RBM47: variants seen among roughly 807,000 people sequenced by gnomAD.
The protein encoded by RBM47 is RNA-binding protein 47.
Under a neutral mutation model 47.1 loss-of-function variants are expected in RBM47, and 21 were observed. That is an observed-to-expected ratio of 0.45 (90% confidence interval 0.32 to 0.64). RBM47 has a LOEUF of 0.64. Among genes scored for constraint, RBM47 ranks in the 30% least tolerant of loss-of-function variants. The pLI is 0.05. For synonymous variants in RBM47, 375 were observed against 361.7 expected (o/e 1.04, Z -0.42); for missense variants, 708 against 870.9 (o/e 0.81, Z 2.35).
intron 1 of RBM47, among the ~76,000 whole-genome samples, chr4:40,611,898 T>C (rs1392164525): frequency 1.3e-5 from 2 of 152,220 alleles, no homozygotes; most frequent in Non-Finnish European, 2.9e-5. Context: ...ATATATATAA[T>C]GTATCTCCAA....
At chr4:40,520,629 T>A (rs375284280) in intron 2 of RBM47, among the ~76,000 whole-genome samples, 2 of 152,204 alleles carry the variant, frequency 1.3e-5, no homozygotes, top group African/African-American at 4.8e-5. Flanking sequence ...AGCTTCTAAA[T>A]CTTCCGGAAT....
At chr4:40,447,891 G>A (rs1371402770) in intron 3 of RBM47, among the ~76,000 whole-genome samples, 1 of 152,150 alleles carries the variant, frequency 6.6e-6, no homozygotes, top group Non-Finnish European at 1.5e-5. Context: ...GGCGCCTGTA[G>A]TCCCAGTTAC....
intron 3 of RBM47, among the ~76,000 whole-genome samples, chr4:40,452,886 C>G (rs886511061): frequency 1.3e-5 from 2 of 148,178 alleles, no homozygotes; most frequent in Non-Finnish European, 3.0e-5. Flanking sequence ...CTCTGTCACC[C>G]AGACTGGAGT....
intron 1 of RBM47, among the ~76,000 whole-genome samples, chr4:40,604,564 C>G (rs188593910): frequency 6.6e-6 from 1 of 152,206 alleles, no homozygotes; most frequent in East Asian, 1.9e-4. Flanking sequence ...GAGTTAAAGG[C>G]TGCAGTGAGT....
intron 2 of RBM47, among the ~76,000 whole-genome samples, chr4:40,532,791 A>G (rs953683026): frequency 2.0e-5 from 3 of 152,002 alleles, no homozygotes; most frequent in African/African-American, 7.3e-5. Context: ...ATGTCTGTGT[A>G]TATTTAAAGT....
At chr4:40,584,735 A>C (rs1025511403) in intron 1 of RBM47, among the ~76,000 whole-genome samples, 4 of 152,190 alleles carry the variant, frequency 2.6e-5, no homozygotes, top group Non-Finnish European at 5.9e-5. Flanking sequence ...AACAAAAAAA[A>C]ATGTACATGG....
At chr4:40,531,474 G>C (rs116780799) in intron 2 of RBM47, among the ~76,000 whole-genome samples, 1 of 151,888 alleles carries the variant, frequency 6.6e-6, no homozygotes, top group South Asian at 2.1e-4. Flanking sequence ...GGGGATAGGC[G>C]GAAGGGTGGG....
At chr4:40,507,238 T>C (rs1249344045) in intron 2 of RBM47, among the ~76,000 whole-genome samples, 1 of 152,070 alleles carries the variant, frequency 6.6e-6, no homozygotes, top group Non-Finnish European at 1.5e-5. Flanking sequence ...ATTACAGGCA[T>C]AAGCCACTAC....
intron 2 of RBM47, among the ~76,000 whole-genome samples, chr4:40,527,179 G>C (rs572563393): frequency 3.9e-5 from 6 of 152,094 alleles, no homozygotes; most frequent in African/African-American, 1.4e-4. Flanking sequence ...CTGCAGTGTC[G>C]TGGTGTGATC....
intron 1 of RBM47, among the ~76,000 whole-genome samples, chr4:40,604,362 C>T (rs764318098): frequency 1.2e-4 from 19 of 152,192 alleles, no homozygotes; most frequent in Admixed American, 1.1e-3. Flanking sequence ...TGGAGGCTCA[C>T]ACCTGTAATC....
At position 40,520,987 on chromosome 4, in the gene RBM47, TAAA is replaced by T. The variant is rs1272608393; in HGVS notation, c.-155+23432_-155+23434del. On this transcript the variant is annotated intron_variant, in intron 2 of 6. Transcript: ENST00000295971. ...ACACGGCATTGACACGGACTAGTGA[TAAA>T]AAGGCAATGGTGGCTAAAACTTCTA... Among the ~76,000 whole-genome samples, 6 of 152,300 alleles carry T rather than the reference TAAA, an allele frequency of 3.9e-5. No individual in the cohort carries two copies. In the East Asian group the frequency reaches 1.2e-3, roughly 29 times the overall value.
At chr4:40,601,707 G>C (rs950136571) in intron 1 of RBM47, among the ~76,000 whole-genome samples, 1 of 152,162 alleles carries the variant, frequency 6.6e-6, no homozygotes, top group Non-Finnish European at 1.5e-5. Flanking sequence ...CATGTATACT[G>C]TTTGCCACTC....
intron 2 of RBM47, among the ~76,000 whole-genome samples, chr4:40,528,554 C>T (rs1374157486): frequency 2.6e-5 from 4 of 152,078 alleles, no homozygotes; most frequent in Non-Finnish European, 5.9e-5. Context: ...GACCTGAGGT[C>T]AGGAGTTCAA....
Position 40,613,565 on chromosome 4 carries a change from C to G in RBM47, c.-240+15831G>C, listed in dbSNP as rs182892213. On this transcript the variant is annotated intron_variant, in intron 1 of 6. Coordinates refer to ENST00000295971, the MANE Select transcript of RBM47 (RefSeq NM_001098634.2). The stretch of plus-strand genomic sequence containing the variant: ...TTCAACTTTTTACTGACCTTCTCCC[C>G]TCATACCTTCTTAGACCCTGCATCA... 3.5e-3 allele frequency among the ~76,000 whole-genome samples: 526 copies of G among 152,286 alleles called. 3 individuals are homozygous for G. Among genetic ancestry groups the G allele is most frequent in the Non-Finnish European group, 5.7e-3 (390 of 68,024 alleles).
intron 2 of RBM47, among the ~76,000 whole-genome samples, chr4:40,523,779 T>A (rs1726440707): frequency 6.6e-6 from 1 of 151,238 alleles, no homozygotes; most frequent in African/African-American, 2.4e-5. Flanking sequence ...GTGGGAGGAT[T>A]ACCTGAGCCT....
intron 6 of RBM47, among the ~76,000 whole-genome samples, chr4:40,430,957 G>A (rs1172419250): frequency 6.6e-6 from 1 of 152,102 alleles, no homozygotes; most frequent in Non-Finnish European, 1.5e-5. Flanking sequence ...GGTGGTGCGT[G>A]TTTGTGGTCC....
intron 2 of RBM47, among the ~76,000 whole-genome samples, chr4:40,477,159 G>T (rs978736992): frequency 2.0e-5 from 3 of 152,110 alleles, no homozygotes; most frequent in Non-Finnish European, 4.4e-5. Context: ...CTCCAGCCTG[G>T]GCAACACAGT....
At chr4:40,442,824 C>T (rs986516528) in intron 3 of RBM47, among the ~76,000 whole-genome samples, 3 of 152,130 alleles carry the variant, frequency 2.0e-5, no homozygotes, top group Non-Finnish European at 2.9e-5. Flanking sequence ...CAGGCGCACA[C>T]CACCACGCCC....
At chr4:40,569,118 C>G (rs2154268242) in intron 1 of RBM47, among the ~76,000 whole-genome samples, 1 of 151,988 alleles carries the variant, frequency 6.6e-6, no homozygotes, top group East Asian at 1.9e-4. Flanking sequence ...TCTACAAAAA[C>G]AGTTTCAAAT....
Sources: allele counts gnomAD v4.1 joint callset (sites outside exome capture counted in the v4.1 genomes callset), GRCh38; gene constraint gnomAD v4.1.1; transcripts MANE v1.5; gene names NCBI Gene and HGNC (gene_info 2026-07-23, HGNC 2026-07-21).